UTP11: variants seen among roughly 807,000 people sequenced by gnomAD.
The protein encoded by UTP11 is UTP11 small subunit processome component.
In UTP11, 29 loss-of-function variants were observed where a neutral mutation model predicts 39.0. The observed-to-expected ratio is 0.74, with a 90% CI of 0.55 to 1.01. The LOEUF is 1.01. UTP11 is among the 50% of genes least tolerant of loss of function. The pLI is 0.00. For synonymous variants in UTP11, 111 were observed against 105.0 expected (o/e 1.06, Z -0.35); for missense variants, 281 against 306.0 (o/e 0.92, Z 0.61).
chr1:38,021,857 C>T (rs932988247), intron 6 of UTP11, among the ~76,000 whole-genome samples: 9 of 151,446 alleles, frequency 5.9e-5, no homozygotes, highest in African/African-American at 2.2e-4. Flanking sequence ...AGTGCCACTG[C>T]ACTCCAGCCT....
chr1:38,021,516 C>T (rs1325786354), intron 6 of UTP11, among the ~76,000 whole-genome samples: 3 of 152,148 alleles, frequency 2.0e-5, no homozygotes, highest in Non-Finnish European at 4.4e-5. Context: ...TCTGAGAAAA[C>T]CCCCCTTTCT....
Position 38,019,360 on chromosome 1 carries a change from G to A in UTP11, c.544G>A (p.Val182Ile), listed in dbSNP as rs1646724322. The A allele has an allele frequency of 1.2e-6, 2 of 1,611,570 alleles. No individual in the cohort carries two copies. Among genetic ancestry groups the A allele is most frequent in the Non-Finnish European group, 1.7e-6 (2 of 1,179,094 alleles). Reference protein sequence around the residue: ...ETLQKEKVKGVTNQTGLKRIA... With the variant: ...ETLQKEKVKGITNQTGLKRIA... ...CTTGCAGAAAGAAAAAGTGAAAGGA[G>A]TTACCAATCAGACTGGACTTAAGGT... The change falls in exon 6 of 8, where the codon GTT (valine) becomes ATT (isoleucine). Residue 182 changes from valine to isoleucine, a missense_variant. Physicochemically the swap from Val to Ile is conservative, Grantham distance 29 (BLOSUM62 3). Transcript: ENST00000373014.
chr1:38,022,521 G>C (rs928887202), intron 6 of UTP11, among the ~76,000 whole-genome samples, 178 bp from the exon 7 acceptor site: 2 of 152,078 alleles, frequency 1.3e-5, no homozygotes, highest in African/African-American at 2.4e-5. Context: ...GTTCCTTTCA[G>C]CTCCAGAATG....
intron 6 of UTP11, among the ~76,000 whole-genome samples, chr1:38,021,254 C>T (rs922730496): frequency 3.3e-5 from 5 of 152,266 alleles, no homozygotes; most frequent in East Asian, 3.9e-4. Context: ...GTGTCACTGA[C>T]GCTTCTCAAG....
intron 6 of UTP11, among the ~76,000 whole-genome samples, chr1:38,020,186 C>G (rs560717590): frequency 1.3e-5 from 2 of 152,292 alleles, no homozygotes; most frequent in Admixed American, 1.3e-4. Flanking sequence ...ACTGCAGTCT[C>G]CACCTTCTGG....
At chr1:38,018,860 T>TG (rs1646720474) in intron 4 of UTP11, among the ~76,000 whole-genome samples, 199 bp from the exon 5 acceptor site, 1 of 152,236 alleles carries the variant, frequency 6.6e-6, no homozygotes, top group Non-Finnish European at 1.5e-5. Flanking sequence ...AGGCGACTGT[T>TG]GCAGGGATTA....
chr1:38,015,503 G>T (rs190861004), intron 1 of UTP11, among the ~76,000 whole-genome samples: 22 of 152,232 alleles, frequency 1.4e-4, no homozygotes, highest in Admixed American at 8.5e-4. Flanking sequence ...TTCCCTTTAT[G>T]GAAAACTGGG....
At chr1:38,015,876 C>A (rs1646704663) in intron 1 of UTP11, among the ~76,000 whole-genome samples, 2 of 152,170 alleles carry the variant, frequency 1.3e-5, no homozygotes, top group Admixed American at 6.5e-5. Context: ...ATGTTACAGT[C>A]AGGAAATAGC....
chr1:38,016,289 A>G (rs1394408718), intron 1 of UTP11, 70 bp from the exon 2 acceptor site: 2 of 1,483,520 alleles, frequency 1.3e-6, no homozygotes, highest in African/African-American at 2.8e-5. Flanking sequence ...TGCCTGTTAG[A>G]TGTCGTGTTG....
intron 6 of UTP11, among the ~76,000 whole-genome samples, chr1:38,019,711 T>C (rs1416090892): frequency 6.6e-6 from 1 of 152,208 alleles, no homozygotes; most frequent in East Asian, 1.9e-4. Flanking sequence ...CTTGAACTCC[T>C]GACCTCAGTT....
rs1278030754 is a variant in UTP11 at position 38,024,578 on chromosome 1, T to G, written c.*950T>G. The G allele has an allele frequency of 6.6e-6, 1 of 151,650 alleles. No individual in the cohort carries two copies. Among genetic ancestry groups the G allele is most frequent in the Non-Finnish European group, 1.5e-5 (1 of 67,922 alleles). 9.4% of individuals were successfully genotyped at this position (151,650 alleles called of 1,614,324 possible). On this transcript the variant is annotated 3_prime_UTR_variant, in exon 8 of 8. Coordinates refer to ENST00000373014, the MANE Select transcript of UTP11 (RefSeq NM_016037.4). ...CCACCGCGCCTGGCTAATTTTTTTT[T>G]GTATTTTTTTAGTAGAGACGGGGTT...
chr1:38,015,339 A>C (rs185995933), intron 1 of UTP11, among the ~76,000 whole-genome samples: 224 of 152,318 alleles, frequency 1.5e-3, no homozygotes, highest in Non-Finnish European at 2.5e-3. Flanking sequence ...AAGTTTAAAC[A>C]CTGGAGAAGT....
intron 3 of UTP11, among the ~76,000 whole-genome samples, chr1:38,018,098 TCA>T (rs905480365): frequency 4.6e-5 from 7 of 151,916 alleles, no homozygotes; most frequent in Non-Finnish European, 8.8e-5. Context: ...TGAGATGGAC[TCA>T]CTCTCTGTTG....
At chr1:38,015,498 T>G (rs1646702984) in intron 1 of UTP11, among the ~76,000 whole-genome samples, 1 of 152,188 alleles carries the variant, frequency 6.6e-6, no homozygotes, top group Non-Finnish European at 1.5e-5. Context: ...CCTCATTCCC[T>G]TTATGGAAAA....
chr1:38,013,828 C>T lies in UTP11; in HGVS notation c.63+963C>T, dbSNP rs560489501. Among the ~76,000 whole-genome samples the T allele has an allele frequency of 1.3e-3, 198 of 152,308 alleles. 1 individual carries two copies. The highest frequency in any genetic ancestry group is 2.4e-3 in the Non-Finnish European group (160 of 68,034). On this transcript the variant is annotated intron_variant, in intron 1 of 7. Coordinates refer to ENST00000373014, the MANE Select transcript of UTP11 (RefSeq NM_016037.4). ...CTCCCAGGTTCAAGCGGTTCTCCTG[C>T]CTCAGCCTCTCGAGTAGCTGGGACT...
At chr1:38,013,249 C>T (rs1646688441) in intron 1 of UTP11, among the ~76,000 whole-genome samples, 1 of 151,630 alleles carries the variant, frequency 6.6e-6, no homozygotes, top group Admixed American at 6.5e-5. Context: ...CCGCCTGCTG[C>T]ATATGGGGGC....
At chr1:38,016,522 C>T (rs973588964) in intron 2 of UTP11, 102 bp downstream of exon 2, 12 of 1,264,894 alleles carry the variant, frequency 9.5e-6, no homozygotes, top group Middle Eastern at 2.1e-4. Context: ...AATTTCCTGC[C>T]ATTGATAAAA....
intron 7 of UTP11, 36 bp from the exon 8 acceptor site, chr1:38,023,509 C>T: frequency 6.4e-7 from 1 of 1,572,924 alleles, no homozygotes; most frequent in African/African-American, 1.4e-5. Flanking sequence ...AAACCATTTC[C>T]TTCTCTTTAC....
In UTP11 at chr1:38,017,659, G is replaced by A. The variant is rs752234183; in HGVS notation, c.126-9G>A. 9 of 1,366,674 alleles carry A rather than the reference G, an allele frequency of 6.6e-6. No individual in the cohort carries two copies. Among genetic ancestry groups the A allele is most frequent in the Non-Finnish European group, 8.9e-6 (9 of 1,015,740 alleles). The allele number at this position is 1,366,674 out of a possible 1,614,324, so 84.7% of individuals were successfully genotyped here. A position where few individuals can be genotyped will look rare whatever the true frequency, so the allele number is the denominator to read the frequency against. The stretch of plus-strand genomic sequence containing the variant: ...TTTTGCTATGAACCTCATTTAACCT[G>A]TCTTTTAGTGACTACCGTAAAAAAC... On this transcript the variant is annotated splice_polypyrimidine_tract_variant and intron_variant, in intron 2 of 7. Transcript: ENST00000373014.
Sources: gnomAD v4.1 joint callset for allele counts (sites outside exome capture counted in the v4.1 genomes callset) on GRCh38, gnomAD v4.1.1 for gene constraint, MANE v1.5 for transcripts, NCBI Gene and HGNC (gene_info 2026-07-23, HGNC 2026-07-21) for gene names.